SLC35F3: variants seen among roughly 807,000 people sequenced by gnomAD.
SLC35F3 encodes the protein putative thiamine transporter SLC35F3.
Under a neutral mutation model 49.9 loss-of-function variants are expected in SLC35F3, and 25 were observed. The ratio of observed to expected loss-of-function variants is 0.50; its 90% CI spans 0.37 to 0.70. The LOEUF (loss-of-function observed/expected upper bound fraction) is 0.70, where lower values mean the gene tolerates loss of function less well. Among genes scored for constraint, SLC35F3 ranks in the 30% least tolerant of loss-of-function variants. SLC35F3 has a pLI of 0.00. For missense variants in SLC35F3, 525 were observed against 639.8 expected (o/e 0.82, Z 1.94); for synonymous variants, 275 against 265.4 (o/e 1.04, Z -0.35).
rs936088601 is a variant in SLC35F3, at chr1:234,257,451, T to C, written c.608+25710T>C. 1.6e-4 allele frequency among the ~76,000 whole-genome samples: 24 copies of C among 152,348 alleles called. 1 individual carries two copies. The highest frequency in any genetic ancestry group is 2.8e-4 in the Non-Finnish European group (19 of 68,034). On this transcript the variant is annotated intron_variant, in intron 3 of 7. Coordinates refer to ENST00000366618, the MANE Select transcript of SLC35F3 (RefSeq NM_173508.4). ...CATAGATTACTGATTTGATTTTGTCTTTTTAAGATTTGCCATTTGCTTTGT... is the reference window on the plus strand; with the variant it reads ...CATAGATTACTGATTTGATTTTGTCCTTTTAAGATTTGCCATTTGCTTTGT...
At chr1:234,235,016 C>T (rs536520902) in intron 3 of SLC35F3, among the ~76,000 whole-genome samples, 4 of 152,308 alleles carry the variant, frequency 2.6e-5, no homozygotes, top group African/African-American at 9.6e-5. Context: ...ACGAGAGTGC[C>T]AACCCCTATG....
chr1:234,140,169 A>G (rs1193171345), intron 2 of SLC35F3, among the ~76,000 whole-genome samples: 1 of 151,764 alleles, frequency 6.6e-6, no homozygotes, highest in Non-Finnish European at 1.5e-5. Context: ...CACTACTCAG[A>G]ACAGAGCACA....
chr1:234,268,602 A>G (rs184209727), intron 3 of SLC35F3: 97 of 152,390 alleles, frequency 6.4e-4, no homozygotes, highest in African/African-American at 2.2e-3. Flanking sequence ...CAGTGTTTTT[A>G]ATAACAAAAC....
At chr1:234,150,821 A>C (rs958154763) in intron 2 of SLC35F3, among the ~76,000 whole-genome samples, 2 of 152,254 alleles carry the variant, frequency 1.3e-5, no homozygotes, top group Non-Finnish European at 2.9e-5. Context: ...CCAGCAAGCC[A>C]CAGGGCCTGC....
chr1:234,222,505 C>T (rs529382779), intron 2 of SLC35F3, among the ~76,000 whole-genome samples: 7 of 152,304 alleles, frequency 4.6e-5, no homozygotes, highest in African/African-American at 1.7e-4. Flanking sequence ...CCAACCAAAA[C>T]CCACACCTCT....
chr1:234,236,391 G>A (rs1384453991), intron 3 of SLC35F3, among the ~76,000 whole-genome samples: 1 of 152,058 alleles, frequency 6.6e-6, no homozygotes, highest in African/African-American at 2.4e-5. Flanking sequence ...AATAAGCAGT[G>A]ATCAGACCAC....
At chr1:234,182,111 A>C (rs573339689) in intron 2 of SLC35F3, among the ~76,000 whole-genome samples, 2 of 152,342 alleles carry the variant, frequency 1.3e-5, no homozygotes, top group Non-Finnish European at 2.9e-5. Context: ...ATATCTCCTA[A>C]AGTTAACCAG....
chr1:234,029,362 G>A lies in SLC35F3; in HGVS notation c.283+123604G>A, dbSNP rs1448654079. ...GGCACAGGCTGTGAGACACAGGAAC[G>A]TGAAAGGCCTCTACAAAGTGTTGAA... On this transcript the variant is annotated intron_variant, in intron 2 of 7. Coordinates refer to ENST00000366618, the MANE Select transcript of SLC35F3 (RefSeq NM_173508.4). 2.6e-5 allele frequency among the ~76,000 whole-genome samples: 4 copies of A among 152,334 alleles called. 1 individual carries two copies. The highest frequency in any genetic ancestry group is 4.2e-4 in the South Asian group (2 of 4,814).
chr1:234,131,442 G>GC (rs1665735429), intron 2 of SLC35F3, among the ~76,000 whole-genome samples: 1 of 151,994 alleles, frequency 6.6e-6, no homozygotes, highest in South Asian at 2.1e-4. Flanking sequence ...CCCTCACCCA[G>GC]CCCCCCTTCC....
intron 2 of SLC35F3, among the ~76,000 whole-genome samples, chr1:233,929,616 T>A (rs1272678133): frequency 1.3e-5 from 2 of 152,212 alleles, no homozygotes; most frequent in Non-Finnish European, 2.9e-5. Context: ...TGAACACTAC[T>A]ATGTGGTGGA....
At position 233,904,934 on chromosome 1, in the gene SLC35F3, A is replaced by T; in HGVS notation, c.-144A>T. ...GGTACAGACCGCGCGGGCGCGCACA[A>T]AGCGGCCCGGGGCGGCCGGCGCGGC... On this transcript the variant is annotated 5_prime_UTR_variant, in exon 1 of 8. Coordinates refer to ENST00000366618, the MANE Select transcript of SLC35F3 (RefSeq NM_173508.4). The T allele has an allele frequency of 1.1e-6, 1 of 882,236 alleles. No individual in the cohort carries two copies. Among genetic ancestry groups the T allele is most frequent in the Non-Finnish European group, 1.6e-6 (1 of 612,704 alleles). The allele number at this position is 882,236 out of a possible 1,614,324, so 54.7% of individuals were successfully genotyped here.
intron 2 of SLC35F3, among the ~76,000 whole-genome samples, chr1:234,113,969 G>T (rs536278173): frequency 1.3e-5 from 2 of 152,332 alleles, no homozygotes; most frequent in East Asian, 3.9e-4. Flanking sequence ...TGCAATGTGT[G>T]CTGGTAAGAG....
chr1:234,298,659 TG>T (rs145488576), intron 3 of SLC35F3, among the ~76,000 whole-genome samples: 3,420 of 152,260 alleles, frequency 0.022, 120 homozygotes, highest in African/African-American at 0.077. Flanking sequence ...ATCTCTAGAT[TG>T]GGGCCCAGGA....
intron 3 of SLC35F3, among the ~76,000 whole-genome samples, chr1:234,278,420 G>A (rs538070816): frequency 6.6e-6 from 1 of 150,762 alleles, no homozygotes; most frequent in South Asian, 2.1e-4. Flanking sequence ...AACCTGGGAG[G>A]CAGAGATTGC....
intron 2 of SLC35F3, among the ~76,000 whole-genome samples, chr1:234,082,441 C>T (rs1664892687): frequency 6.6e-6 from 1 of 152,084 alleles, no homozygotes; most frequent in South Asian, 2.1e-4. Context: ...AGAGTGTTTG[C>T]TTGTTTTTTG....
At chr1:234,097,584 A>G (rs985888845) in intron 2 of SLC35F3, among the ~76,000 whole-genome samples, 1 of 152,112 alleles carries the variant, frequency 6.6e-6, no homozygotes, top group Non-Finnish European at 1.5e-5. Context: ...TTTTTTTCTC[A>G]CTGCATACTG....
chr1:234,245,154 T>C (rs1404046793), intron 3 of SLC35F3, among the ~76,000 whole-genome samples: 3 of 152,222 alleles, frequency 2.0e-5, no homozygotes, highest in Admixed American at 1.3e-4. Flanking sequence ...CTGGTACTAT[T>C]ATTCTGTTCT....
chr1:234,167,266 C>T (rs909593641), intron 2 of SLC35F3, among the ~76,000 whole-genome samples: 5 of 152,190 alleles, frequency 3.3e-5, no homozygotes, highest in African/African-American at 7.2e-5. Flanking sequence ...TGTCTCATTA[C>T]GTCTTCACCA....
intron 2 of SLC35F3, among the ~76,000 whole-genome samples, chr1:234,220,111 C>T (rs1361444913): frequency 6.6e-6 from 1 of 152,176 alleles, no homozygotes; most frequent in Non-Finnish European, 1.5e-5. Context: ...GAGAAGAAAA[C>T]ACCATCCGAA....
Sources: allele counts gnomAD v4.1 joint callset (sites outside exome capture counted in the v4.1 genomes callset), GRCh38; gene constraint gnomAD v4.1.1; transcripts MANE v1.5; gene names NCBI Gene and HGNC (gene_info 2026-07-23, HGNC 2026-07-21).